Variants in KIAA1328 observed in about 807,000 individuals in gnomAD.
KIAA1328 encodes KIAA1328, also known as protein hinderin.
A neutral mutation model predicts 68.1 loss-of-function variants in KIAA1328; 52 were observed. The observed-to-expected ratio is 0.76, with a 90% confidence interval of 0.61 to 0.96. The LOEUF (loss-of-function observed/expected upper bound fraction) is 0.96. Among genes scored for constraint, KIAA1328 ranks in the 40% least tolerant of loss-of-function variants. The pLI is 0.00. For synonymous variants in KIAA1328, 232 were observed against 239.4 expected (o/e 0.97, Z 0.28); for missense variants, 641 against 677.6 (o/e 0.95, Z 0.60).
chr18:36,893,435 TTGTGTG>T (rs147453972), intron 5 of KIAA1328, among the ~76,000 whole-genome samples: 17 of 139,694 alleles, frequency 1.2e-4, no homozygotes, highest in Non-Finnish European at 1.7e-4. Flanking sequence ...ACCTGGCTAT[TTGTGTG>T]TGTGTGTGTG....
intron 5 of KIAA1328, among the ~76,000 whole-genome samples, chr18:36,918,560 G>T (rs757933976): frequency 2.8e-4 from 42 of 151,726 alleles, no homozygotes; most frequent in Non-Finnish European, 5.6e-4. Flanking sequence ...TTACAGGTGC[G>T]CACCACCATG....
intron 6 of KIAA1328, among the ~76,000 whole-genome samples, chr18:36,987,930 TC>T (rs2053012969): frequency 6.6e-6 from 1 of 152,168 alleles, no homozygotes; most frequent in Non-Finnish European, 1.5e-5. Context: ...CAGCCCTAGT[TC>T]AGCTCTATCT....
intron 5 of KIAA1328, among the ~76,000 whole-genome samples, chr18:36,908,269 C>T (rs1157335039): frequency 2.0e-5 from 3 of 152,106 alleles, no homozygotes; most frequent in Non-Finnish European, 4.4e-5. Flanking sequence ...AGACATTGTT[C>T]TTAAGACGCT....
chr18:36,852,469 C>T (rs568843997), intron 4 of KIAA1328, among the ~76,000 whole-genome samples: 1 of 152,098 alleles, frequency 6.6e-6, no homozygotes, highest in Non-Finnish European at 1.5e-5. Context: ...ATGCTGAGGG[C>T]AGTCACGACC....
At chr18:36,939,866 A>G (rs1428724524) in intron 5 of KIAA1328, among the ~76,000 whole-genome samples, 1 of 152,150 alleles carries the variant, frequency 6.6e-6, no homozygotes, top group African/African-American at 2.4e-5. Flanking sequence ...TTTTTATTGA[A>G]CAAATGTCTG....
At chr18:36,874,764 A>G (rs1038101268) in intron 4 of KIAA1328, among the ~76,000 whole-genome samples, 4 of 152,150 alleles carry the variant, frequency 2.6e-5, no homozygotes, top group African/African-American at 9.7e-5. Flanking sequence ...GCCCATGCGT[A>G]TGTCCTGAAT....
intron 6 of KIAA1328, among the ~76,000 whole-genome samples, chr18:37,033,121 T>C (rs2054898776): frequency 6.6e-6 from 1 of 152,230 alleles, no homozygotes; most frequent in Non-Finnish European, 1.5e-5. Context: ...ACCTATTAAA[T>C]ACCATTTGGT....
At chr18:37,078,897 T>C (rs1415800172) in intron 7 of KIAA1328, among the ~76,000 whole-genome samples, 1 of 151,514 alleles carries the variant, frequency 6.6e-6, no homozygotes, top group Non-Finnish European at 1.5e-5. Context: ...GTAAACTAGT[T>C]CAACCATTGT....
intron 7 of KIAA1328, among the ~76,000 whole-genome samples, chr18:37,087,664 C>T (rs561491265): frequency 1.3e-5 from 2 of 152,178 alleles, no homozygotes; most frequent in Non-Finnish European, 2.9e-5. Flanking sequence ...ATCAGGTAGG[C>T]ACGCTGGGGA....
At chr18:37,152,412 G>A (rs1357400145) in intron 7 of KIAA1328, among the ~76,000 whole-genome samples, 1 of 152,162 alleles carries the variant, frequency 6.6e-6, no homozygotes, top group Non-Finnish European at 1.5e-5. Flanking sequence ...GTCTAAAGTT[G>A]CCTTCAGTGT....
At chr18:36,895,071 TC>T (rs1234411681) in intron 5 of KIAA1328, among the ~76,000 whole-genome samples, 1 of 152,166 alleles carries the variant, frequency 6.6e-6, no homozygotes, top group Non-Finnish European at 1.5e-5. Flanking sequence ...ATTTCCTTCT[TC>T]AAAAATTTTT....
intron 7 of KIAA1328, among the ~76,000 whole-genome samples, chr18:37,090,133 A>C (rs1034634155): frequency 6.6e-6 from 1 of 152,250 alleles, no homozygotes; most frequent in East Asian, 1.9e-4. Flanking sequence ...GTAATTGTCT[A>C]TAATTAACTC....
intron 5 of KIAA1328, among the ~76,000 whole-genome samples, chr18:36,919,842 T>C (rs1360192524): frequency 6.6e-6 from 1 of 152,188 alleles, no homozygotes; most frequent in East Asian, 1.9e-4. Flanking sequence ...TTTTAAAATA[T>C]ATTTGTTGGC....
At chr18:36,876,887 G>A (rs540545430) in intron 4 of KIAA1328, among the ~76,000 whole-genome samples, 3 of 152,116 alleles carry the variant, frequency 2.0e-5, no homozygotes, top group African/African-American at 4.8e-5. Flanking sequence ...CATTATTCTC[G>A]TTGGTTTCAA....
At chr18:37,073,302 TAAAC>T (rs1449840852) in intron 7 of KIAA1328, among the ~76,000 whole-genome samples, 1 of 151,996 alleles carries the variant, frequency 6.6e-6, no homozygotes, top group Non-Finnish European at 1.5e-5. Context: ...TACAAGGACT[TAAAC>T]AAATTTACAA....
chr18:37,098,687 G>T (rs1393162966), intron 7 of KIAA1328, among the ~76,000 whole-genome samples: 4 of 152,124 alleles, frequency 2.6e-5, no homozygotes, highest in African/African-American at 9.7e-5. Context: ...GAATTCGGCT[G>T]TGAATCCGTC....
chr18:36,858,529 C>A (rs375337935), intron 4 of KIAA1328, among the ~76,000 whole-genome samples: 1 of 152,102 alleles, frequency 6.6e-6, no homozygotes, highest in Admixed American at 6.6e-5. Context: ...TGTTAATTAG[C>A]CTATCAACTT....
intron 5 of KIAA1328, among the ~76,000 whole-genome samples, chr18:36,913,772 A>C (rs1949947595): frequency 6.6e-6 from 1 of 152,178 alleles, no homozygotes; most frequent in Non-Finnish European, 1.5e-5. Flanking sequence ...CCTATTCCCA[A>C]ATAAATATAA....
At chr18:36,874,258 GC>G (rs760890798) in intron 4 of KIAA1328, among the ~76,000 whole-genome samples, 64 of 152,120 alleles carry the variant, frequency 4.2e-4, no homozygotes, top group Non-Finnish European at 8.2e-4. Context: ...TTGAGGAATC[GC>G]CACGCTGTCT....
Sources: gnomAD v4.1 joint callset for allele counts (sites outside exome capture counted in the v4.1 genomes callset) on GRCh38, gnomAD v4.1.1 for gene constraint, MANE v1.5 for transcripts, NCBI Gene and HGNC (gene_info 2026-07-23, HGNC 2026-07-21) for gene names.